Variants in FSTL5 observed in about 807,000 individuals in gnomAD.
FSTL5 encodes follistatin-related protein 5.
A neutral mutation model predicts 89.1 loss-of-function variants in FSTL5; 62 were observed. That is an observed-to-expected ratio of 0.70 (90% CI 0.57 to 0.86). The LOEUF is 0.86. Among genes scored for constraint, FSTL5 ranks in the 40% least tolerant of loss-of-function variants. FSTL5 has a pLI of 0.00. For synonymous variants in FSTL5, 383 were observed against 346.2 expected (o/e 1.11, Z -1.18); for missense variants, 1,057 against 1,001.6 (o/e 1.06, Z -0.75).
intron 12 of FSTL5, among the ~76,000 whole-genome samples, chr4:161,491,440 T>C (rs1729869352): frequency 6.6e-6 from 1 of 151,900 alleles, no homozygotes; most frequent in Non-Finnish European, 1.5e-5. Context: ...AAACATATAA[T>C]CTCATTCTCC....
intron 5 of FSTL5, among the ~76,000 whole-genome samples, chr4:161,764,814 A>ATTTG (rs1740935402): frequency 6.6e-6 from 1 of 152,198 alleles, no homozygotes; most frequent in African/African-American, 2.4e-5. Flanking sequence ...TTGACCATCT[A>ATTTG]AAGTAAAGAT....
intron 1 of FSTL5, 47 bp from the exon 2 acceptor site, chr4:162,111,459 T>C: frequency 1.5e-6 from 2 of 1,368,132 alleles, no homozygotes; most frequent in Non-Finnish European, 1.0e-6. Context: ...GAATTATATA[T>C]TAAAAAACAT....
chr4:161,668,400 C>T (rs985296962), intron 6 of FSTL5, among the ~76,000 whole-genome samples: 2 of 152,288 alleles, frequency 1.3e-5, no homozygotes, highest in African/African-American at 2.4e-5. Context: ...CAGAAACTAT[C>T]AGGCCCAGAT....
intron 2 of FSTL5, among the ~76,000 whole-genome samples, chr4:162,042,640 T>C (rs1738008895): frequency 6.6e-6 from 1 of 151,944 alleles, no homozygotes; most frequent in Admixed American, 6.6e-5. Flanking sequence ...TAATATACTT[T>C]TAAAAAACCT....
chr4:161,736,066 G>T (rs559417614), intron 6 of FSTL5, among the ~76,000 whole-genome samples: 1 of 152,142 alleles, frequency 6.6e-6, no homozygotes, highest in African/African-American at 2.4e-5. Flanking sequence ...TGTTAAAGTA[G>T]GGTTCTCTCA....
chr4:162,081,812 TC>T (rs1730110444), intron 2 of FSTL5, among the ~76,000 whole-genome samples: 1 of 150,430 alleles, frequency 6.6e-6, no homozygotes, highest in African/African-American at 2.5e-5. Context: ...TCTCTCTCTC[TC>T]TCTCTCACAC....
intron 10 of FSTL5, among the ~76,000 whole-genome samples, chr4:161,521,788 G>T (rs1441572552): frequency 1.2e-4 from 17 of 139,526 alleles, no homozygotes; most frequent in African/African-American, 4.7e-4. Flanking sequence ...GGCGGAGGTT[G>T]CAGTGAGCCG....
At chr4:161,905,089 T>C (rs938909356) in intron 4 of FSTL5, among the ~76,000 whole-genome samples, 3 of 152,108 alleles carry the variant, frequency 2.0e-5, no homozygotes, top group African/African-American at 4.8e-5. Flanking sequence ...AAATGGGCAG[T>C]TGGAAGATAT....
chr4:161,784,611 C>T (rs1168921676), intron 4 of FSTL5, among the ~76,000 whole-genome samples: 3 of 151,918 alleles, frequency 2.0e-5, no homozygotes, highest in East Asian at 1.9e-4. Flanking sequence ...ATGCTATCCA[C>T]GGGCTGGGTG....
chr4:161,421,717 C>G (rs749793416), intron 15 of FSTL5, among the ~76,000 whole-genome samples: 35 of 152,154 alleles, frequency 2.3e-4, no homozygotes, highest in Non-Finnish European at 4.6e-4. Flanking sequence ...GGGTGGGCAT[C>G]GTCCAATCTG....
intron 4 of FSTL5, among the ~76,000 whole-genome samples, chr4:161,811,965 C>G (rs1730163162): frequency 6.6e-6 from 1 of 150,774 alleles, no homozygotes. Flanking sequence ...ATATTTCTAA[C>G]CAATGGGTTA....
chr4:161,752,226 CAGAT>C (rs74281503), intron 6 of FSTL5, among the ~76,000 whole-genome samples: 28,711 of 138,798 alleles, frequency 0.21, 2,803 homozygotes, highest in African/African-American at 0.26. Flanking sequence ...GATAGATGGA[CAGAT>C]AGATAGATAG....
intron 4 of FSTL5, among the ~76,000 whole-genome samples, chr4:161,816,181 T>C (rs904756466): frequency 8.5e-5 from 13 of 152,166 alleles, no homozygotes; most frequent in Admixed American, 8.5e-4. Context: ...GGTAATACCA[T>C]ACCACGTGGC....
At chr4:161,741,554 G>T (rs1000629536) in intron 6 of FSTL5, among the ~76,000 whole-genome samples, 1 of 152,032 alleles carries the variant, frequency 6.6e-6, no homozygotes, top group Non-Finnish European at 1.5e-5. Context: ...AATTTATTAT[G>T]GGAGCAACTA....
chr4:161,779,766 T>G (rs1476061665), intron 4 of FSTL5, among the ~76,000 whole-genome samples: 1 of 16,156 alleles, frequency 6.2e-5, no homozygotes, highest in Non-Finnish European at 9.3e-5. Context: ...AAGTTATATA[T>G]ATATATATGT....
At chr4:161,821,520 C>A (rs1460411271) in intron 4 of FSTL5, among the ~76,000 whole-genome samples, 1 of 152,096 alleles carries the variant, frequency 6.6e-6, no homozygotes, top group African/African-American at 2.4e-5. Context: ...ACCCATCACC[C>A]AAGCAGTATA....
intron 3 of FSTL5, among the ~76,000 whole-genome samples, chr4:161,993,924 G>A (rs768772279): frequency 1.3e-5 from 2 of 152,008 alleles, no homozygotes; most frequent in Non-Finnish European, 2.9e-5. Context: ...GAGCTTGAGG[G>A]TACACGTGGA....
At chr4:161,706,016 A>G in intron 6 of FSTL5, among the ~76,000 whole-genome samples, 1 of 132,732 alleles carries the variant, frequency 7.5e-6, no homozygotes, top group Non-Finnish European at 1.6e-5. Context: ...ACACACACAC[A>G]GACTATACCT....
intron 2 of FSTL5, among the ~76,000 whole-genome samples, chr4:162,046,347 A>G (rs1276674820): frequency 6.6e-6 from 1 of 152,122 alleles, no homozygotes; most frequent in East Asian, 1.9e-4. Context: ...GTAAAGGGAG[A>G]GTCTCCAAGC....
Sources: allele counts gnomAD v4.1 joint callset (sites outside exome capture counted in the v4.1 genomes callset), GRCh38; gene constraint gnomAD v4.1.1; transcripts MANE v1.5; gene names NCBI Gene and HGNC (gene_info 2026-07-23, HGNC 2026-07-21).